MEGF11: variants seen among roughly 807,000 people sequenced by gnomAD.
MEGF11 encodes multiple epidermal growth factor-like domains protein 11.
MEGF11 carries 126 observed loss-of-function variants against 146.6 expected under a neutral mutation model. The observed-to-expected ratio is 0.86, with a 90% CI of 0.74 to 1.00. The LOEUF (loss-of-function observed/expected upper bound fraction) is 1.00, where lower values mean the gene tolerates loss of function less well. Ranked by LOEUF, MEGF11 falls within the 50% of genes least tolerant of loss-of-function variation. MEGF11 has a pLI of 0.00. For missense variants in MEGF11, 1,509 were observed against 1,521.2 expected (o/e 0.99, Z 0.13); for synonymous variants, 532 against 583.4 (o/e 0.91, Z 1.27).
intron 3 of MEGF11, among the ~76,000 whole-genome samples, chr15:66,122,736 T>C (rs548407776): frequency 6.6e-6 from 1 of 152,150 alleles, no homozygotes; most frequent in Non-Finnish European, 1.5e-5. Flanking sequence ...CCGTGGACAC[T>C]GCAGGGTAGG....
Position 65,980,813 on chromosome 15 carries a change from TGTG to T in MEGF11, c.724_726del (p.His242del), listed in dbSNP as rs1466053087. ...GGGGGGCAGGCACACTCGCCAGTGA[TGTG>T]GTGGCAGGTGCCCCCATTCTGACAG... On this transcript the variant is annotated inframe_deletion, in exon 7 of 26. Coordinates refer to ENST00000395614, the MANE Select transcript of MEGF11 (RefSeq NM_001385028.1). 57 of 1,607,322 alleles carry T rather than the reference TGTG, an allele frequency of 3.5e-5. No individual in the cohort carries two copies. The highest frequency in any genetic ancestry group is 1.6e-4 in the South Asian group (14 of 89,480).
chr15:66,093,852 G>T (rs551700000), intron 5 of MEGF11, among the ~76,000 whole-genome samples: 4 of 152,252 alleles, frequency 2.6e-5, no homozygotes, highest in African/African-American at 9.6e-5. Flanking sequence ...CAGTAGGAAG[G>T]CTTCCCTGGA....
chr15:66,240,311 C>A (rs888362695), intron 1 of MEGF11, among the ~76,000 whole-genome samples: 5 of 152,234 alleles, frequency 3.3e-5, no homozygotes, highest in African/African-American at 1.2e-4. Flanking sequence ...TTCGGAGACA[C>A]AGACAAGGGT....
At chr15:66,044,033 G>T (rs1031445716) in intron 5 of MEGF11, among the ~76,000 whole-genome samples, 2 of 152,134 alleles carry the variant, frequency 1.3e-5, no homozygotes, top group African/African-American at 4.8e-5. Context: ...TGGTGTAGTG[G>T]GTGGTGTATG....
intron 6 of MEGF11, among the ~76,000 whole-genome samples, chr15:65,981,449 G>C (rs988057414): frequency 2.0e-5 from 3 of 152,122 alleles, no homozygotes; most frequent in Non-Finnish European, 4.4e-5. Context: ...ATGGGGTCTT[G>C]GTCTTGGGCC....
chr15:66,111,352 A>G (rs757298799), intron 4 of MEGF11, among the ~76,000 whole-genome samples: 90 of 152,244 alleles, frequency 5.9e-4, no homozygotes, highest in Non-Finnish European at 1.2e-3. Flanking sequence ...AGTCAGTTCC[A>G]GTGATATGGA....
intron 5 of MEGF11, among the ~76,000 whole-genome samples, chr15:65,986,396 G>T (rs1382669967): frequency 6.6e-6 from 1 of 152,166 alleles, no homozygotes; most frequent in African/African-American, 2.4e-5. Flanking sequence ...TATCCAAATT[G>T]ACAGGAAGAA....
At chr15:66,237,331 C>CT (rs368022791) in intron 1 of MEGF11, among the ~76,000 whole-genome samples, 1 of 151,952 alleles carries the variant, frequency 6.6e-6, no homozygotes, top group African/African-American at 2.4e-5. Flanking sequence ...TCACTCCCCC[C>CT]AACAAAAGAC....
intron 1 of MEGF11, among the ~76,000 whole-genome samples, chr15:66,162,851 G>T (rs1186265449): frequency 1.3e-5 from 2 of 151,690 alleles, no homozygotes; most frequent in African/African-American, 2.4e-5. Flanking sequence ...AAAGAAATGA[G>T]AGAGAAAAAA....
At chr15:66,193,984 C>T (rs1398936134) in intron 1 of MEGF11, among the ~76,000 whole-genome samples, 1 of 152,136 alleles carries the variant, frequency 6.6e-6, no homozygotes, top group Non-Finnish European at 1.5e-5. Flanking sequence ...TTTGATCCAG[C>T]AATCCCATTA....
intron 23 of MEGF11, among the ~76,000 whole-genome samples, chr15:65,907,713 G>C (rs1335130610): frequency 6.6e-6 from 1 of 152,198 alleles, no homozygotes; most frequent in Non-Finnish European, 1.5e-5. Context: ...GGCTTCCTTT[G>C]CCCTTCCTGA....
intron 11 of MEGF11, 151 bp downstream of exon 11, chr15:65,930,672 T>C: frequency 1.1e-6 from 1 of 932,200 alleles, no homozygotes. Context: ...GCATGGGTTT[T>C]CTTGCCTGGA....
intron 18 of MEGF11, 107 bp downstream of exon 18, chr15:65,916,041 C>T (rs2078985747): frequency 1.5e-6 from 2 of 1,342,290 alleles, no homozygotes; most frequent in East Asian, 2.7e-5. Context: ...GTCAAGGGAC[C>T]AAGGGGTACA....
intron 20 of MEGF11, among the ~76,000 whole-genome samples, chr15:65,913,217 G>T (rs1360489448): frequency 6.6e-6 from 1 of 152,146 alleles, no homozygotes; most frequent in Non-Finnish European, 1.5e-5. Context: ...TTGCCAGAGG[G>T]ACATTGTCCA....
chr15:66,166,085 C>A (rs2090089495), intron 1 of MEGF11, among the ~76,000 whole-genome samples: 1 of 152,154 alleles, frequency 6.6e-6, no homozygotes, highest in African/African-American at 2.4e-5. Flanking sequence ...ATCAGCAGGG[C>A]CCTCACCCCT....
At chr15:66,241,004 C>G (rs7169939) in intron 1 of MEGF11, among the ~76,000 whole-genome samples, 5,933 of 152,272 alleles carry the variant, frequency 0.039, 387 homozygotes, top group African/African-American at 0.14. Context: ...GATGGGTATA[C>G]AGACGTTGAA....
chr15:66,200,037 C>T (rs2091111895), intron 1 of MEGF11, among the ~76,000 whole-genome samples: 1 of 152,226 alleles, frequency 6.6e-6, no homozygotes, highest in Non-Finnish European at 1.5e-5. Context: ...AAAAGCAGAT[C>T]TATATACAAA....
intron 4 of MEGF11, among the ~76,000 whole-genome samples, chr15:66,104,136 T>C (rs2086954937): frequency 6.6e-6 from 1 of 152,212 alleles, no homozygotes; most frequent in African/African-American, 2.4e-5. Context: ...CTCCCTCCCT[T>C]TGTGAAGGCA....
At chr15:65,962,966 G>T (rs2080918015) in intron 9 of MEGF11, among the ~76,000 whole-genome samples, 1 of 152,208 alleles carries the variant, frequency 6.6e-6, no homozygotes, top group South Asian at 2.1e-4. Flanking sequence ...GAGAGAAGAG[G>T]GGGAGTCCTT....
Sources: allele counts gnomAD v4.1 joint callset (sites outside exome capture counted in the v4.1 genomes callset), GRCh38; gene constraint gnomAD v4.1.1; transcripts MANE v1.5; gene names NCBI Gene and HGNC (gene_info 2026-07-23, HGNC 2026-07-21).